Variants in COL6A2 observed in about 807,000 individuals in gnomAD.
The protein encoded by COL6A2 is collagen alpha-2(VI) chain.
COL6A2 carries 90 observed loss-of-function variants against 124.9 expected under a neutral mutation model. That is an observed-to-expected ratio of 0.72 (90% CI 0.61 to 0.86). The LOEUF is 0.86. COL6A2 is among the 40% of genes least tolerant of loss of function. The pLI, the probability that COL6A2 is intolerant of heterozygous loss-of-function variation, is 0.00. For missense variants in COL6A2, 1,607 were observed against 1,502.5 expected (o/e 1.07, Z -1.15); for synonymous variants, 793 against 618.2 (o/e 1.28, Z -4.19).
At position 46,132,213 on chromosome 21, in the gene COL6A2, C is replaced by T. The variant is rs1399680317; in HGVS notation, c.2721C>T (p.Thr907=). ...CGGCCATCCACGAGGCGCTGGAGAC[C>T]ACACAATACCTGAACTCCTTCTCGC... is the stretch of plus-strand genomic sequence containing the variant. ...NLTAIHEALE[T]TQYLNSFSHV... Residue 907 remains threonine, a synonymous_variant, in exon 28 of 28, where the codon ACC becomes ACT. Coordinates refer to ENST00000300527, the MANE Select transcript of COL6A2 (RefSeq NM_001849.4). The T allele has an allele frequency of 3.1e-6, 5 of 1,591,448 alleles. No homozygotes were observed. Among genetic ancestry groups the T allele is most frequent in the East Asian group, 2.3e-5 (1 of 43,370 alleles).
intron 27 of COL6A2, among the ~76,000 whole-genome samples, chr21:46,128,362 A>G (rs1426060207): frequency 3.3e-5 from 5 of 152,212 alleles, no homozygotes; most frequent in Non-Finnish European, 5.9e-5. Flanking sequence ...CCAATTTCAA[A>G]GTGAACTCGA....
In COL6A2 at chr21:46,124,911, C is replaced by T. The variant is rs146311719; in HGVS notation, c.1761C>T (p.Pro587=). Residue 587 remains proline (P), a synonymous_variant, in exon 23 of 28, where the codon CCC becomes CCT. Transcript: ENST00000300527. ...GTGAGCCCGGCCCCCCTGGAGACCC[C>T]GGTCTCACGGTAGGTGTCACATGGG... ...PEGEPGPPGD[P]GLTECDVMTY... The T allele has an allele frequency of 1.4e-4, 232 of 1,612,912 alleles. 1 individual carries two copies. In the African/African-American group the frequency reaches 2.4e-3, roughly 17 times the overall value.
chr21:46,129,146 G>T (rs757610408), intron 27 of COL6A2: 2 of 1,611,118 alleles, frequency 1.2e-6, no homozygotes, highest in South Asian at 2.2e-5. Context: ...GGAGCTCTAG[G>T]CCGACGCCCA....
Position 46,125,716 on chromosome 21 carries a change from C to T in COL6A2, c.1970-69C>T. On this transcript the variant is annotated intron_variant, in intron 25 of 27. Transcript: ENST00000300527. ...TCCAGACGCGTCCCTCCAACGAGGG[C>T]CTCTGCATGGCTGGGGATGCCCCAG... 2.5e-6 allele frequency: 4 copies of T among 1,597,924 alleles called. No homozygotes were observed. In the South Asian group the frequency reaches 3.3e-5, roughly 13 times the overall value.
At chr21:46,129,294 T>C (rs1300917405) in intron 27 of COL6A2, 10 of 1,612,926 alleles carry the variant, frequency 6.2e-6, no homozygotes, top group South Asian at 1.1e-5. Context: ...GATCCAACAG[T>C]TGCTAAACGC....
intron 1 of COL6A2, among the ~76,000 whole-genome samples, chr21:46,100,705 A>T (rs1013170170): frequency 6.6e-6 from 1 of 152,108 alleles, no homozygotes; most frequent in African/African-American, 2.4e-5. Flanking sequence ...CTCCAGATTG[A>T]TCCACACTGT....
chr21:46,129,656 G>T, intron 27 of COL6A2: 2 of 1,423,324 alleles, frequency 1.4e-6, no homozygotes, highest in South Asian at 1.6e-5. Flanking sequence ...CTCTTCCCAT[G>T]CTGGTGGCCA....
intron 1 of COL6A2, among the ~76,000 whole-genome samples, chr21:46,098,463 G>T (rs1432994291): frequency 1.3e-5 from 2 of 151,626 alleles, no homozygotes; most frequent in Non-Finnish European, 3.0e-5. Context: ...GGGTGGGGGG[G>T]TCCCTGTCTG....
intron 17 of COL6A2, among the ~76,000 whole-genome samples, 185 bp downstream of exon 17, chr21:46,121,308 C>T (rs1477629979): frequency 1.3e-5 from 2 of 152,204 alleles, no homozygotes; most frequent in African/African-American, 4.8e-5. Context: ...AGCCCCAGCC[C>T]CCCATCCTGC....
At chr21:46,129,620 C>T in intron 27 of COL6A2, 1 of 1,430,944 alleles carries the variant, frequency 7.0e-7, no homozygotes. Flanking sequence ...TACAGTCCTT[C>T]CAGGGGCTCT....
At chr21:46,102,121 A>G (rs1038654931) in intron 1 of COL6A2, among the ~76,000 whole-genome samples, 7 of 152,042 alleles carry the variant, frequency 4.6e-5, no homozygotes, top group Admixed American at 2.6e-4. Context: ...TTCACCTCCT[A>G]AGTCAATTTT....
At chr21:46,122,063 A>C (rs777484955) in intron 18 of COL6A2, 45 bp from the exon 19 acceptor site, 11 of 1,602,682 alleles carry the variant, frequency 6.9e-6, no homozygotes, top group Non-Finnish European at 9.4e-6. Context: ...CCCCAGCCCC[A>C]CCCCGTCCTA....
At chr21:46,122,555 G>A in intron 20 of COL6A2, 24 bp downstream of exon 20, 1 of 1,612,336 alleles carries the variant, frequency 6.2e-7, no homozygotes, top group Non-Finnish European at 8.5e-7. Context: ...CTGGCCACCT[G>A]TGCCCACCCA....
At chr21:46,099,948 G>C (rs73159682) in intron 1 of COL6A2, among the ~76,000 whole-genome samples, 18,896 of 138,784 alleles carry the variant, frequency 0.14, 1,587 homozygotes, top group South Asian at 0.32. Flanking sequence ...CCTTGTTGGG[G>C]GGTTTGTTCT....
chr21:46,118,643 G>C lies in COL6A2; in HGVS notation c.1146G>C (p.Gly382=). 1 of 1,612,424 alleles carries C rather than the reference G, an allele frequency of 6.2e-7. No individual in the cohort carries two copies. The highest frequency in any genetic ancestry group is 1.1e-5 in the South Asian group (1 of 90,920). Residue 382 remains glycine (G), a synonymous_variant, in exon 13 of 28, where the codon GGG becomes GGC. Coordinates refer to ENST00000300527, the MANE Select transcript of COL6A2 (RefSeq NM_001849.4). ...ACCCTGGCCGCCCAGGACGCAGAGG[G>C]CCCCCGGGAGAAATCGGGGCCAAGG... is the stretch of plus-strand genomic sequence containing the variant. ...KGDPGRPGRR[G]PPGEIGAKGS...
chr21:46,117,778 G>A lies in COL6A2; in HGVS notation c.1054-96G>A, dbSNP rs961976211. ...GGGCCTCACAGTGAGGGTGGGAGGT[G>A]CGTCCCGGGCTGGGACAATGGAGCA... On this transcript the variant is annotated intron_variant, in intron 11 of 27. Transcript: ENST00000300527. 26 of 1,268,012 alleles carry A rather than the reference G, an allele frequency of 2.1e-5. No individual in the cohort carries two copies. The African/African-American group carries it at 2.2e-4, about 11-fold the overall frequency. The allele number at this position is 1,268,012 out of a possible 1,614,324, so 78.5% of individuals were successfully genotyped here. A position where few individuals can be genotyped will look rare whatever the true frequency, so the allele number is the denominator to read the frequency against.
chr21:46,108,740 G>C (rs2078362415), intron 1 of COL6A2, among the ~76,000 whole-genome samples: 1 of 152,182 alleles, frequency 6.6e-6, no homozygotes. Flanking sequence ...TTCTGGTATA[G>C]TGGTCCTTAA....
intron 23 of COL6A2, 126 bp downstream of exon 23, chr21:46,125,046 CAAGGTCAGAGAGCAAGCTTGGTTGGGG>C (rs1287908665): frequency 3.9e-6 from 5 of 1,289,138 alleles, no homozygotes; most frequent in Admixed American, 1.7e-5. Flanking sequence ...GGTCAGAGGG[CAAGGTCAGAGAGCAAGCTTGGTTGGGG>C]AAGGTCACAG....
At chr21:46,123,836 AGGATGGAT>A (rs1185649080) in intron 21 of COL6A2, among the ~76,000 whole-genome samples, 3 of 123,592 alleles carry the variant, frequency 2.4e-5, no homozygotes, top group Non-Finnish European at 5.0e-5. Flanking sequence ...GGGTGCATAA[AGGATGGAT>A]GGATGAATGA....
Sources: allele counts gnomAD v4.1 joint callset (sites outside exome capture counted in the v4.1 genomes callset), GRCh38; gene constraint gnomAD v4.1.1; transcripts MANE v1.5; gene names NCBI Gene and HGNC (gene_info 2026-07-23, HGNC 2026-07-21).